The following EYA4 variants were observed in gnomAD, a reference collection of about 807,000 sequenced individuals.
The protein encoded by EYA4 is protein phosphatase EYA4.
In EYA4, 31 loss-of-function variants were observed where a neutral mutation model predicts 87.9. The ratio of observed to expected loss-of-function variants is 0.35; its 90% CI spans 0.27 to 0.48. The LOEUF (loss-of-function observed/expected upper bound fraction) is 0.48, where lower values mean the gene tolerates loss of function less well. EYA4 is among the 20% of genes least tolerant of loss of function. The pLI, the probability that EYA4 is intolerant of heterozygous loss-of-function variation, is 0.99. For missense variants in EYA4, 678 were observed against 761.4 expected, an observed-to-expected ratio of 0.89 and a Z score of 1.29; for synonymous variants, 263 against 270.6, an observed-to-expected ratio of 0.97 and a Z score of 0.28.
chr6:133,394,282 G>GTAT (rs1562368948), intron 3 of EYA4, among the ~76,000 whole-genome samples: 48 of 107,812 alleles, frequency 4.5e-4, no homozygotes, highest in Middle Eastern at 5.0e-3. Context: ...ATATAAGCTT[G>GTAT]TGTTTTTTTT....
At chr6:133,330,228 T>C (rs991257813) in intron 2 of EYA4, among the ~76,000 whole-genome samples, 2 of 152,048 alleles carry the variant, frequency 1.3e-5, no homozygotes, top group Non-Finnish European at 2.9e-5. Flanking sequence ...ACGGAATTCA[T>C]ACATTGGGTA....
chr6:133,501,840 G>C (rs548826418), intron 13 of EYA4, among the ~76,000 whole-genome samples: 1 of 152,300 alleles, frequency 6.6e-6, no homozygotes, highest in Admixed American at 6.5e-5. Flanking sequence ...AGGAATTCCA[G>C]CTGATGGCCC....
At chr6:133,346,842 A>G (rs543103858) in intron 2 of EYA4, among the ~76,000 whole-genome samples, 1 of 152,270 alleles carries the variant, frequency 6.6e-6, no homozygotes, top group East Asian at 1.9e-4. Context: ...TGAACTTTCC[A>G]TATGATGCAG....
chr6:133,515,580 A>G, intron 17 of EYA4, 145 bp downstream of exon 17: 1 of 644,084 alleles, frequency 1.6e-6, no homozygotes, highest in Non-Finnish European at 2.9e-6. Flanking sequence ...TTTCAATTTC[A>G]GTGCATGTGC....
chr6:133,525,644 G>C (rs1274078398), intron 19 of EYA4, among the ~76,000 whole-genome samples: 1 of 152,042 alleles, frequency 6.6e-6, no homozygotes, highest in Non-Finnish European at 1.5e-5. Flanking sequence ...GATTGGGGGG[G>C]AGAATAACCA....
chr6:133,505,008 A>G (rs1355907336), intron 13 of EYA4, among the ~76,000 whole-genome samples: 1 of 152,116 alleles, frequency 6.6e-6, no homozygotes, highest in Non-Finnish European at 1.5e-5. Context: ...GCCAAAACCA[A>G]TAGTATCCTT....
chr6:133,282,207 G>A (rs1322359915), intron 2 of EYA4, among the ~76,000 whole-genome samples: 1 of 152,138 alleles, frequency 6.6e-6, no homozygotes, highest in Non-Finnish European at 1.5e-5. Context: ...ATTCCCACCA[G>A]CAGTATATAA....
At position 133,462,495 on chromosome 6, in the gene EYA4, T is replaced by G; in HGVS notation, c.580+18T>G. On this transcript the variant is annotated intron_variant, in intron 8 of 19. Coordinates refer to ENST00000355286, the MANE Select transcript of EYA4 (RefSeq NM_004100.5). ...CACTTACGGTATTTCACATCTTCTGTTTTCTTCTTTGGTTATAGGCAGGTA... is the reference window on the plus strand; with the variant it reads ...CACTTACGGTATTTCACATCTTCTGGTTTCTTCTTTGGTTATAGGCAGGTA... 1 of 1,613,956 alleles carries G rather than the reference T, an allele frequency of 6.2e-7. No homozygotes were observed. The highest frequency in any genetic ancestry group is 8.5e-7 in the Non-Finnish European group (1 of 1,179,920).
intron 2 of EYA4, among the ~76,000 whole-genome samples, chr6:133,289,149 G>T (rs1215628299): frequency 6.6e-6 from 1 of 152,174 alleles, no homozygotes; most frequent in Non-Finnish European, 1.5e-5. Context: ...TGTTGCAGAA[G>T]GGATGATGAG....
At chr6:133,318,018 A>G (rs1780760573) in intron 2 of EYA4, among the ~76,000 whole-genome samples, 1 of 152,178 alleles carries the variant, frequency 6.6e-6, no homozygotes, top group Non-Finnish European at 1.5e-5. Context: ...TTATCTCATA[A>G]TGAAACTTGC....
At chr6:133,324,892 AT>A (rs1781372944) in intron 2 of EYA4, among the ~76,000 whole-genome samples, 2 of 140,126 alleles carry the variant, frequency 1.4e-5, no homozygotes, top group South Asian at 4.6e-4. Context: ...TATGGAGTAT[AT>A]TTCAGAAGCT....
At chr6:133,353,869 C>G (rs1326738441) in intron 2 of EYA4, among the ~76,000 whole-genome samples, 4 of 152,096 alleles carry the variant, frequency 2.6e-5, no homozygotes, top group Non-Finnish European at 5.9e-5. Context: ...ATTCACAGTG[C>G]TACTCAAGAG....
intron 11 of EYA4, among the ~76,000 whole-genome samples, chr6:133,470,041 G>T (rs1795196412): frequency 1.3e-5 from 2 of 150,630 alleles, no homozygotes; most frequent in East Asian, 2.0e-4. Context: ...GTTGTAGGTT[G>T]CCTGTTCACT....
chr6:133,366,024 A>C (rs1263105607), intron 2 of EYA4, among the ~76,000 whole-genome samples: 1 of 152,194 alleles, frequency 6.6e-6, no homozygotes, highest in African/African-American at 2.4e-5. Flanking sequence ...AATATAAGAA[A>C]ACAGTTTTAG....
intron 1 of EYA4, among the ~76,000 whole-genome samples, chr6:133,268,998 C>T (rs1776459610): frequency 6.6e-6 from 1 of 152,146 alleles, no homozygotes. Context: ...GTGGCTCATG[C>T]GTGTAATCCC....
chr6:133,512,298 C>T (rs1336660349), intron 14 of EYA4, among the ~76,000 whole-genome samples: 2 of 152,084 alleles, frequency 1.3e-5, no homozygotes, highest in Non-Finnish European at 2.9e-5. Context: ...TGCCACTCAA[C>T]AAATGATAAA....
At chr6:133,482,904 AT>A in intron 12 of EYA4, 127 bp from the exon 13 acceptor site, 1 of 784,388 alleles carries the variant, frequency 1.3e-6, no homozygotes, top group South Asian at 1.7e-5. Flanking sequence ...AAACAAAAAA[AT>A]GAATAGTATT....
At chr6:133,363,575 C>T (rs952169014) in intron 2 of EYA4, among the ~76,000 whole-genome samples, 19 of 151,578 alleles carry the variant, frequency 1.3e-4, no homozygotes, top group Non-Finnish European at 2.4e-4. Flanking sequence ...CCCGGGTTCA[C>T]GCCATTCTCC....
intron 3 of EYA4, among the ~76,000 whole-genome samples, chr6:133,401,345 G>A (rs1479136219): frequency 6.6e-6 from 1 of 151,584 alleles, no homozygotes; most frequent in Admixed American, 6.6e-5. Flanking sequence ...TCAGTAGGGT[G>A]AGTATAGTTA....
Sources: allele counts gnomAD v4.1 joint callset (sites outside exome capture counted in the v4.1 genomes callset), GRCh38; gene constraint gnomAD v4.1.1; transcripts MANE v1.5; gene names NCBI Gene and HGNC (gene_info 2026-07-23, HGNC 2026-07-21).